Variants in CMYA5 observed in about 807,000 individuals in gnomAD.
The protein encoded by CMYA5 is cardiomyopathy associated 5, also known as cardiomyopathy-associated protein 5.
Under a neutral mutation model 318.9 loss-of-function variants are expected in CMYA5, and 246 were observed. The ratio of observed to expected loss-of-function variants is 0.77; its 90% CI spans 0.70 to 0.86. The LOEUF is 0.86. Ranked by LOEUF, CMYA5 falls within the 40% of genes least tolerant of loss-of-function variation. The pLI is 0.00. For missense variants in CMYA5, 4,589 were observed against 4,678.2 expected (o/e 0.98, Z 0.56); for synonymous variants, 1,641 against 1,729.5 (o/e 0.95, Z 1.27).
chr5:79,717,475 G>A (rs1827540448), intron 1 of CMYA5, among the ~76,000 whole-genome samples: 1 of 152,130 alleles, frequency 6.6e-6, no homozygotes, highest in African/African-American at 2.4e-5. Flanking sequence ...TTGGCTTGCA[G>A]CATCATTGAT....
At chr5:79,775,958 A>G (rs11739525) in intron 9 of CMYA5, among the ~76,000 whole-genome samples, 10,289 of 152,236 alleles carry the variant, frequency 0.068, 642 homozygotes, top group East Asian at 0.37. Context: ...GAGGGTAACT[A>G]TAGAGAAAAC....
At chr5:79,721,238 C>A (rs1827619691) in intron 1 of CMYA5, among the ~76,000 whole-genome samples, 2 of 152,030 alleles carry the variant, frequency 1.3e-5, no homozygotes, top group South Asian at 4.1e-4. Flanking sequence ...TGGTGGCTCA[C>A]TTTGTGAAGC....
intron 1 of CMYA5, among the ~76,000 whole-genome samples, chr5:79,701,604 A>G (rs932510710): frequency 6.6e-6 from 1 of 152,234 alleles, no homozygotes; most frequent in Admixed American, 6.5e-5. Context: ...GAATCCTCAT[A>G]TAACACTGGT....
Position 79,733,402 on chromosome 5 carries a change from C to A in CMYA5, c.4637C>A (p.Ser1546Ter). Residue 1546 changes from serine (S) to a stop codon, truncating the protein, a stop_gained, in exon 2 of 13, where the codon TCA becomes TAA. Transcript: ENST00000446378. LOFTEE classifies it high-confidence loss of function. ...AAGAAGAAAGAAACTGAACTTCCTT[C>A]ATCACAAAATGTGTCACCTGCATCC... is the stretch of plus-strand genomic sequence containing the variant. ...EIKKKETELPSSQNVSPASKH... is the reference protein window; with the variant it reads ...EIKKKETELP 6.2e-7 allele frequency: 1 copy of A among 1,613,636 alleles called. No individual in the cohort carries two copies.
intron 1 of CMYA5, among the ~76,000 whole-genome samples, chr5:79,708,604 G>A (rs962557645): frequency 5.9e-5 from 9 of 151,618 alleles, no homozygotes; most frequent in African/African-American, 1.7e-4. Flanking sequence ...CAGCCTGGGC[G>A]ACAGAGCAAG....
intron 12 of CMYA5, among the ~76,000 whole-genome samples, chr5:79,797,812 T>C (rs1251453778): frequency 6.6e-6 from 1 of 152,218 alleles, no homozygotes; most frequent in Non-Finnish European, 1.5e-5. Context: ...AATGGTGATG[T>C]TCTCTGCCAC....
In CMYA5 at chr5:79,778,811, CTG is replaced by C. The variant is rs35461782; in HGVS notation, c.11556-10136_11556-10135del. Among the ~76,000 whole-genome samples, 97 of 84,844 alleles carry C rather than the reference CTG, an allele frequency of 1.1e-3. 4 individuals are homozygous for C. Among genetic ancestry groups the C allele is most frequent in the Admixed American group, 1.4e-3 (11 of 7,688 alleles). The allele number at this position is 84,844 out of a possible 152,430, so 55.7% of individuals were successfully genotyped here. On this transcript the variant is annotated intron_variant, in intron 9 of 12. Transcript: ENST00000446378. ...ATGCCGCCTGCCCCCCTCTCTCTTTCTGTGTGTGTGTGTGTGTGTGTGTGTAT... is the reference window on the plus strand; with the variant it reads ...ATGCCGCCTGCCCCCCTCTCTCTTTCTGTGTGTGTGTGTGTGTGTGTGTAT...
intron 11 of CMYA5, among the ~76,000 whole-genome samples, chr5:79,791,378 T>C (rs1829175881): frequency 1.3e-5 from 2 of 152,244 alleles, no homozygotes; most frequent in South Asian, 4.2e-4. Flanking sequence ...CAGTAATTCT[T>C]TTATTATTTT....
chr5:79,798,575 A>G (rs1829316480), intron 12 of CMYA5, among the ~76,000 whole-genome samples: 1 of 152,228 alleles, frequency 6.6e-6, no homozygotes. Context: ...TTGAAGATCT[A>G]CACCCTGAGA....
intron 9 of CMYA5, among the ~76,000 whole-genome samples, 172 bp from the exon 10 acceptor site, chr5:79,788,799 G>C (rs1470240295): frequency 6.6e-6 from 1 of 152,148 alleles, no homozygotes. Context: ...AGTAATCTTA[G>C]TGGACAATGG....
Position 79,730,604 on chromosome 5 carries a change from T to C in CMYA5, c.1839T>C (p.Gly613=). 6.2e-7 allele frequency: 1 copy of C among 1,614,024 alleles called. No homozygotes were observed. Residue 613 remains glycine (G), a synonymous_variant, in exon 2 of 13, where the codon GGT becomes GGC. Transcript: ENST00000446378. ...DLNHELQEQE[G]EPVPPSNVEA... ...ACCATGAATTACAGGAGCAAGAAGG[T>C]GAGCCAGTTCCCCCATCCAATGTAG...
chr5:79,712,283 G>T (rs1199768848), intron 1 of CMYA5, among the ~76,000 whole-genome samples: 1 of 152,150 alleles, frequency 6.6e-6, no homozygotes, highest in African/African-American at 2.4e-5. Flanking sequence ...GCGTGATCTC[G>T]GCTCACCGCA....
Position 79,736,400 on chromosome 5 carries a change from A to G in CMYA5, c.7635A>G (p.Val2545=), listed in dbSNP as rs1481322445. ...KEKGEEKENQ[V]YVLSEGKKQQ... ...AAGGTGAAGAAAAAGAAAATCAGGT[A>G]TATGTGCTTTCAGAAGGAAAGAAGC... Residue 2545 remains valine, a synonymous_variant, in exon 2 of 13, where the codon GTA becomes GTG. Transcript: ENST00000446378. The G allele has an allele frequency of 4.3e-6, 7 of 1,610,970 alleles. No homozygotes were observed. Among genetic ancestry groups the G allele is most frequent in the Non-Finnish European group, 5.9e-6 (7 of 1,178,358 alleles).
At chr5:79,778,532 G>A (rs2047479247) in intron 9 of CMYA5, among the ~76,000 whole-genome samples, 1 of 152,070 alleles carries the variant, frequency 6.6e-6, no homozygotes, top group African/African-American at 2.4e-5. Flanking sequence ...ATATGGTTCA[G>A]AGCCACTACA....
chr5:79,738,935 T>A lies in CMYA5; in HGVS notation c.10170T>A (p.His3390Gln). The A allele has an allele frequency of 6.2e-7, 1 of 1,613,942 alleles. No individual in the cohort carries two copies. Among genetic ancestry groups the A allele is most frequent in the African/African-American group, 1.3e-5 (1 of 75,040 alleles). Residue 3390 changes from histidine (H) to glutamine (Q), a missense_variant, in exon 2 of 13, where the codon CAT (histidine) becomes CAA (glutamine). Physicochemically the swap from His to Gln is conservative, Grantham distance 24. Around this residue, in one of 3 missense-constraint regions of CMYA5, gnomAD observed 2,431 missense variants for 2,495.1 expected, o/e 0.97. Transcript: ENST00000446378. ...AAGAATTTGCATCTGGTGCAACTCA[T>A]GTTCAAGAAACATCACTAGAAGAAC... ...PEEEFASGATHVQETSLEEPK... is the reference protein window; with the variant it reads ...PEEEFASGATQVQETSLEEPK...
At chr5:79,790,884 T>C (rs920820244) in intron 10 of CMYA5, 86 bp from the exon 11 acceptor site, 5 of 837,210 alleles carry the variant, frequency 6.0e-6, no homozygotes, top group Non-Finnish European at 7.9e-6. Context: ...GGGGAAAGAG[T>C]CTAGGGTCTG....
rs1828655449 is a variant in CMYA5, at chr5:79,761,754, T to C, written c.11261-57T>C. 3 of 1,539,644 alleles carry C rather than the reference T, an allele frequency of 1.9e-6. No individual in the cohort carries two copies. The Admixed American group carries it at 5.9e-5, about 30-fold the overall frequency. On this transcript the variant is annotated intron_variant, in intron 7 of 12. Coordinates refer to ENST00000446378, the MANE Select transcript of CMYA5 (RefSeq NM_153610.5). ...ATCATAGATGACTTTCTCCAGTAAC[T>C]ATAACTTTTAATTAACTTTGGAAGA... is the stretch of plus-strand genomic sequence containing the variant.
intron 1 of CMYA5, among the ~76,000 whole-genome samples, chr5:79,691,432 A>C (rs552548216): frequency 1.7e-4 from 26 of 152,298 alleles, no homozygotes; most frequent in African/African-American, 6.0e-4. Flanking sequence ...CTGACCATTC[A>C]CTCTGGGGTT....
At chr5:79,707,321 T>C (rs1827293274) in intron 1 of CMYA5, among the ~76,000 whole-genome samples, 1 of 152,182 alleles carries the variant, frequency 6.6e-6, no homozygotes, top group African/African-American at 2.4e-5. Context: ...TACATTTCTA[T>C]TTGTTTAAGG....
Sources: gnomAD v4.1 joint callset for allele counts (sites outside exome capture counted in the v4.1 genomes callset) on GRCh38, gnomAD v4.1.1 for gene constraint, gnomAD v4.1.1 regional missense constraint, MANE v1.5 for transcripts, NCBI Gene and HGNC (gene_info 2026-07-23, HGNC 2026-07-21) for gene names.